The following COA1 variants were observed in gnomAD, a reference collection of about 807,000 sequenced individuals.
COA1 encodes cytochrome c oxidase assembly factor 1 homolog.
In COA1, 13 loss-of-function variants were observed where a neutral mutation model predicts 16.0. The observed-to-expected ratio is 0.81, with a 90% confidence interval of 0.53 to 1.29. COA1 has a LOEUF of 1.29. COA1 is among the 50% of genes most tolerant of loss of function. The pLI is 0.00. For missense variants in COA1, 179 were observed against 177.0 expected, an observed-to-expected ratio of 1.01 and a Z score of -0.06; for synonymous variants, 65 against 65.7, an observed-to-expected ratio of 0.99 and a Z score of 0.05.
rs889621161 is a variant in COA1, at chr7:43,703,139, T to C, written c.-39+26290A>G. On this transcript the variant is annotated intron_variant, in intron 1 of 5. Coordinates refer to ENST00000223336, the MANE Select transcript of COA1 (RefSeq NM_018224.4). ...ACAGGCTGTTTAATTTCCATGTAATTGTATGGTTTGGGGATCTTCTTGGTA... is the reference window on the plus strand; with the variant it reads ...ACAGGCTGTTTAATTTCCATGTAATCGTATGGTTTGGGGATCTTCTTGGTA... 2.0e-5 allele frequency among the ~76,000 whole-genome samples: 3 copies of C among 152,158 alleles called. No individual in the cohort carries two copies. In the East Asian group the frequency reaches 5.8e-4, roughly 29 times the overall value.
At chr7:43,623,987 A>G (rs575569961) in intron 6 of COA1, 1 of 818,628 alleles carries the variant, frequency 1.2e-6, no homozygotes, top group South Asian at 3.6e-5. Context: ...CCTCCAACCA[A>G]AAATAGTTCA....
intron 1 of COA1, among the ~76,000 whole-genome samples, chr7:43,674,504 A>G (rs1018037046): frequency 2.0e-5 from 3 of 152,266 alleles, no homozygotes; most frequent in Non-Finnish European, 2.9e-5. Flanking sequence ...ATAAAACTCT[A>G]TAATTTTGAG....
chr7:43,651,113 GAGTTT>G (rs1406730524), intron 1 of COA1, among the ~76,000 whole-genome samples: 7 of 152,228 alleles, frequency 4.6e-5, no homozygotes, highest in Admixed American at 2.0e-4. Flanking sequence ...GGAATAGATG[GAGTTT>G]AGGCTAACTG....
intron 6 of COA1, among the ~76,000 whole-genome samples, chr7:43,620,275 T>C (rs1431957289): frequency 6.6e-6 from 1 of 152,242 alleles, no homozygotes; most frequent in Non-Finnish European, 1.5e-5. Context: ...CTTTCTTTGA[T>C]AGACTGAGGA....
At chr7:43,651,365 C>A (rs185168275) in intron 1 of COA1, among the ~76,000 whole-genome samples, 277 of 152,352 alleles carry the variant, frequency 1.8e-3, no homozygotes, top group African/African-American at 6.2e-3. Flanking sequence ...CTGAGGAAAG[C>A]AGTCTTAACT....
intron 6 of COA1, among the ~76,000 whole-genome samples, chr7:43,615,234 G>T (rs191802362): frequency 3.9e-5 from 6 of 152,278 alleles, no homozygotes; most frequent in Middle Eastern, 3.4e-3. Context: ...GGAGTGCAGT[G>T]GCACTATCTC....
chr7:43,610,346 C>CAAAAAAAAAA (rs138859141), intron 6 of COA1, among the ~76,000 whole-genome samples: 2 of 41,326 alleles, frequency 4.8e-5, no homozygotes, highest in African/African-American at 2.2e-4. Context: ...GACTCCGTCT[C>CAAAAAAAAAA]AAAAAAAAAA....
intron 6 of COA1, chr7:43,624,686 A>G (rs2084298631): frequency 6.2e-7 from 1 of 1,614,012 alleles, no homozygotes; most frequent in African/African-American, 1.3e-5. Context: ...AAACCAAGGA[A>G]TCCATTGTAA....
At chr7:43,647,862 T>A in intron 2 of COA1, 1 of 535,818 alleles carries the variant, frequency 1.9e-6, no homozygotes. Context: ...GGACCCATGC[T>A]GTGGGGGCCC....
chr7:43,644,828 A>G (rs1420706626), intron 4 of COA1, among the ~76,000 whole-genome samples: 1 of 151,358 alleles, frequency 6.6e-6, no homozygotes, highest in Non-Finnish European at 1.5e-5. Flanking sequence ...AGAGAGAGAG[A>G]GAGAGACAGG....
chr7:43,608,616 CAAAG>C (rs1433891419), exon 7 of COA1: 1 of 403,698 alleles, frequency 2.5e-6, no homozygotes, highest in Non-Finnish European at 4.3e-6. Flanking sequence ...AATACAATGC[CAAAG>C]AAAGGAACTC....
At chr7:43,648,421 A>T in intron 2 of COA1, 179 bp downstream of exon 2, 1 of 751,698 alleles carries the variant, frequency 1.3e-6, no homozygotes. Context: ...CACGAGAGAA[A>T]GACAGAGTGG....
intron 6 of COA1, among the ~76,000 whole-genome samples, chr7:43,634,119 C>CT (rs1032332557): frequency 1.2e-4 from 18 of 151,104 alleles, no homozygotes; most frequent in East Asian, 3.9e-4. Flanking sequence ...CTCACTGAAT[C>CT]TTTTTTTTAA....
chr7:43,682,605 T>C (rs1172973570), intron 1 of COA1, among the ~76,000 whole-genome samples: 1 of 152,212 alleles, frequency 6.6e-6, no homozygotes, highest in East Asian at 1.9e-4. Flanking sequence ...TACATAATGA[T>C]ATAAACACTG....
chr7:43,646,868 G>C, intron 3 of COA1: 1 of 246,796 alleles, frequency 4.1e-6, no homozygotes, highest in South Asian at 4.2e-5. Context: ...AGTGGATGAC[G>C]AGCCAAGCTG....
chr7:43,723,086 AG>A (rs2095543369), intron 1 of COA1, among the ~76,000 whole-genome samples: 1 of 152,220 alleles, frequency 6.6e-6, no homozygotes, highest in South Asian at 2.1e-4. Context: ...ACCTTATGAA[AG>A]CTGTTGCAAT....
intron 1 of COA1, among the ~76,000 whole-genome samples, chr7:43,680,696 T>C (rs1462703503): frequency 1.3e-5 from 2 of 152,158 alleles, no homozygotes; most frequent in Non-Finnish European, 2.9e-5. Context: ...GGCTGGGCCA[T>C]GGTGGCTCAC....
intron 1 of COA1, among the ~76,000 whole-genome samples, chr7:43,712,797 T>C (rs185044269): frequency 1.3e-5 from 2 of 152,348 alleles, no homozygotes; most frequent in East Asian, 1.9e-4. Context: ...TTCCTGACCA[T>C]TATCTTACAA....
chr7:43,615,279 G>A (rs2083242193), intron 6 of COA1, among the ~76,000 whole-genome samples: 1 of 152,120 alleles, frequency 6.6e-6, no homozygotes, highest in Non-Finnish European at 1.5e-5. Flanking sequence ...AGGCTCAAGT[G>A]ATCCTCCCAC....
Sources: gnomAD v4.1 joint callset for allele counts (sites outside exome capture counted in the v4.1 genomes callset) on GRCh38, gnomAD v4.1.1 for gene constraint, MANE v1.5 for transcripts, NCBI Gene and HGNC (gene_info 2026-07-23, HGNC 2026-07-21) for gene names.